Variants in HCRTR2 observed in about 807,000 individuals in gnomAD.
The protein encoded by HCRTR2 is orexin receptor type 2.
A neutral mutation model predicts 49.0 loss-of-function variants in HCRTR2; 22 were observed. The observed-to-expected ratio is 0.45, with a 90% CI of 0.32 to 0.64. HCRTR2 has a LOEUF of 0.64. Ranked by LOEUF, HCRTR2 falls within the 30% of genes least tolerant of loss-of-function variation. The pLI, the probability that HCRTR2 is intolerant of heterozygous loss-of-function variation, is 0.04. For missense variants in HCRTR2, 491 were observed against 559.4 expected (o/e 0.88, Z 1.23); for synonymous variants, 236 against 205.3 (o/e 1.15, Z -1.28).
At chr6:55,252,464 A>G (rs1351631484) in intron 2 of HCRTR2, among the ~76,000 whole-genome samples, 1 of 152,136 alleles carries the variant, frequency 6.6e-6, no homozygotes, top group Non-Finnish European at 1.5e-5. Context: ...GAGGATTGAT[A>G]TATCTCTAGC....
At chr6:55,117,783 C>CAAAAAAA (rs34425786) in intron 1 of HCRTR2, among the ~76,000 whole-genome samples, 38 of 78,262 alleles carry the variant, frequency 4.9e-4, no homozygotes, top group East Asian at 2.4e-3. Flanking sequence ...GATAAAGTCT[C>CAAAAAAA]AAAAAAAAAA....
intron 4 of HCRTR2, among the ~76,000 whole-genome samples, chr6:55,267,168 G>A (rs1327765608): frequency 6.6e-6 from 1 of 152,148 alleles, no homozygotes; most frequent in Non-Finnish European, 1.5e-5. Context: ...AAACAAAGTT[G>A]TAAGGCATTA....
At chr6:55,147,317 T>A (rs560581600) in intron 1 of HCRTR2, among the ~76,000 whole-genome samples, 3 of 152,184 alleles carry the variant, frequency 2.0e-5, no homozygotes, top group African/African-American at 7.2e-5. Context: ...GTTGTTACTC[T>A]TTCTAGTGAA....
intron 1 of HCRTR2, among the ~76,000 whole-genome samples, chr6:55,141,943 C>T (rs964479143): frequency 5.9e-5 from 9 of 151,760 alleles, no homozygotes; most frequent in African/African-American, 1.5e-4. Flanking sequence ...TGTCAAACAC[C>T]AAGAAATGGG....
intron 1 of HCRTR2, among the ~76,000 whole-genome samples, chr6:55,161,843 A>G (rs1342995190): frequency 3.3e-5 from 5 of 152,156 alleles, no homozygotes; most frequent in African/African-American, 1.2e-4. Flanking sequence ...AGTAATTAAT[A>G]GCGTTCCAAT....
At chr6:55,236,332 A>G (rs189772147) in intron 1 of HCRTR2, among the ~76,000 whole-genome samples, 328 of 152,030 alleles carry the variant, frequency 2.2e-3, no homozygotes, top group Non-Finnish European at 3.8e-3. Flanking sequence ...GCATATATAC[A>G]TTATATTTTA....
At chr6:55,279,553 A>T (rs1207456409) in intron 5 of HCRTR2, among the ~76,000 whole-genome samples, 1 of 149,852 alleles carries the variant, frequency 6.7e-6, no homozygotes, top group Admixed American at 6.7e-5. Context: ...ACACACACAC[A>T]CTGATACAGA....
At chr6:55,153,364 G>A (rs1220051457) in intron 1 of HCRTR2, among the ~76,000 whole-genome samples, 2 of 151,988 alleles carry the variant, frequency 1.3e-5, no homozygotes, top group African/African-American at 4.8e-5. Context: ...ATAAGGTATA[G>A]CTTTTTGCTC....
At chr6:55,253,860 C>A (rs185689318) in intron 2 of HCRTR2, among the ~76,000 whole-genome samples, 1 of 152,004 alleles carries the variant, frequency 6.6e-6, no homozygotes, top group Non-Finnish European at 1.5e-5. Context: ...GGGAACAACA[C>A]GCACTGGGGC....
Position 55,255,094 on chromosome 6 carries a change from C to G in HCRTR2, c.403-42C>G, listed in dbSNP as rs200714174. 3.7e-6 allele frequency: 6 copies of G among 1,609,082 alleles called. No individual in the cohort carries two copies. The African/African-American group carries it at 8.0e-5, about 22-fold the overall frequency. On this transcript the variant is annotated intron_variant, in intron 2 of 6. Coordinates refer to ENST00000370862, the MANE Select transcript of HCRTR2 (RefSeq NM_001384272.1). The stretch of plus-strand genomic sequence containing the variant: ...AATATATTAAGAGTAATTCTTTTAA[C>G]AGCTGGTGCTTCTCTATTACTATGA...
At chr6:55,157,575 G>C (rs187203612) in intron 1 of HCRTR2, among the ~76,000 whole-genome samples, 2 of 152,282 alleles carry the variant, frequency 1.3e-5, no homozygotes, top group Admixed American at 6.5e-5. Flanking sequence ...TGGGCATTAG[G>C]CATGACCCAG....
At chr6:55,170,253 T>G (rs1285465483), upstream of HCRTR2, among the ~76,000 whole-genome samples, 8 of 148,818 alleles carry the variant, frequency 5.4e-5, no homozygotes, top group Admixed American at 5.4e-4. Flanking sequence ...ATTTATTTTG[T>G]ATATATAAAT....
At chr6:55,159,071 G>T (rs970028766) in intron 1 of HCRTR2, among the ~76,000 whole-genome samples, 2 of 152,242 alleles carry the variant, frequency 1.3e-5, no homozygotes, top group Admixed American at 6.5e-5. Context: ...GCTGGTATCT[G>T]GTGGGTGCCC....
intron 3 of HCRTR2, among the ~76,000 whole-genome samples, chr6:55,262,805 AAGTT>A (rs941869064): frequency 6.8e-6 from 1 of 147,762 alleles, no homozygotes; most frequent in Non-Finnish European, 1.5e-5. Flanking sequence ...AGCATTTACA[AAGTT>A]AGTAATCAAT....
At position 55,248,758 on chromosome 6, in the gene HCRTR2, G is replaced by A; in HGVS notation, c.343G>A (p.Asp115Asn). 1 of 1,613,502 alleles carries A rather than the reference G, an allele frequency of 6.2e-7. No homozygotes were observed. Among genetic ancestry groups the A allele is most frequent in the Non-Finnish European group, 8.5e-7 (1 of 1,179,574 alleles). Residue 115 changes from aspartate (D) to asparagine (N), a missense_variant, in exon 2 of 7, where the codon GAT becomes AAT. Coordinates refer to ENST00000370862, the MANE Select transcript of HCRTR2 (RefSeq NM_001384272.1). ...ITCLPATLVV[D>N]ITETWFFGQS... is the part of the protein sequence containing the mutation. ...CTGCCTTCCAGCCACACTGGTCGTGGATATCACTGAGACCTGGTTTTTTGG... is the reference window on the plus strand; with the variant it reads ...CTGCCTTCCAGCCACACTGGTCGTGAATATCACTGAGACCTGGTTTTTTGG...
chr6:55,156,572 G>GACAC (rs141547382), intron 1 of HCRTR2, among the ~76,000 whole-genome samples: 9 of 148,548 alleles, frequency 6.1e-5, no homozygotes, highest in African/African-American at 1.7e-4. Flanking sequence ...CTCTCTCTGA[G>GACAC]ACACACACAC....
At chr6:55,226,468 C>T (rs951157544) in intron 1 of HCRTR2, among the ~76,000 whole-genome samples, 14 of 152,134 alleles carry the variant, frequency 9.2e-5, no homozygotes, top group African/African-American at 1.2e-4. Context: ...ACCACCACGC[C>T]TGGCTAATTT....
intron 1 of HCRTR2, among the ~76,000 whole-genome samples, chr6:55,128,901 G>A (rs1281077996): frequency 6.6e-6 from 1 of 151,976 alleles, no homozygotes; most frequent in East Asian, 1.9e-4. Flanking sequence ...AAATTTATCA[G>A]GAATAGATGT....
chr6:55,174,000 A>G (rs1351446050), upstream of HCRTR2, among the ~76,000 whole-genome samples: 2 of 152,166 alleles, frequency 1.3e-5, no homozygotes, highest in Non-Finnish European at 2.9e-5. Context: ...TATTTGCTTT[A>G]CAAAGACAAA....
Sources: allele counts gnomAD v4.1 joint callset (sites outside exome capture counted in the v4.1 genomes callset), GRCh38; gene constraint gnomAD v4.1.1; transcripts MANE v1.5; gene names NCBI Gene and HGNC (gene_info 2026-07-23, HGNC 2026-07-21).